The following ZNF282 variants were observed in gnomAD, a reference collection of about 807,000 sequenced individuals.
The protein encoded by ZNF282 is HTLV-I U5 repressive element-binding protein 1.
In ZNF282, 30 loss-of-function variants were observed where a neutral mutation model predicts 61.9. That is an observed-to-expected ratio of 0.48 (90% CI 0.36 to 0.66). The LOEUF (loss-of-function observed/expected upper bound fraction) is 0.66, where lower values mean the gene tolerates loss of function less well. ZNF282 is among the 30% of genes least tolerant of loss of function. The probability of loss-of-function intolerance (pLI) is 0.00; values close to 1 mark genes in which losing one functional copy is unlikely to be tolerated. For missense variants in ZNF282, 788 were observed against 941.4 expected, an observed-to-expected ratio of 0.84 and a Z score of 2.13; for synonymous variants, 396 against 405.0, an observed-to-expected ratio of 0.98 and a Z score of 0.27.
chr7:149,207,739 C>T (rs903893528), intron 4 of ZNF282, among the ~76,000 whole-genome samples: 1 of 152,188 alleles, frequency 6.6e-6, no homozygotes, highest in Non-Finnish European at 1.5e-5. Flanking sequence ...GGTGGAGAGA[C>T]GAGGAAGGGC....
chr7:149,224,680 G>A lies in ZNF282; in HGVS notation c.*33G>A. 1.4e-6 allele frequency: 2 copies of A among 1,465,276 alleles called. No homozygotes were observed. Among genetic ancestry groups the A allele is most frequent in the Non-Finnish European group, 1.8e-6 (2 of 1,112,476 alleles). The allele number at this position is 1,465,276 out of a possible 1,614,324, so 90.8% of individuals were successfully genotyped here. On this transcript the variant is annotated 3_prime_UTR_variant, in exon 8 of 8. Coordinates refer to ENST00000610704, the MANE Select transcript of ZNF282 (RefSeq NM_003575.4). The stretch of plus-strand genomic sequence containing the variant: ...CTGGGGGAGGGCAGGGCCGGACGGA[G>A]TGGATCGGGGGCGGCCTGAGCACCA...
intron 1 of ZNF282, among the ~76,000 whole-genome samples, chr7:149,196,883 C>G (rs1333203753): frequency 6.6e-6 from 1 of 152,178 alleles, no homozygotes; most frequent in Non-Finnish European, 1.5e-5. Flanking sequence ...TGCCCCGGAG[C>G]AGGGCTGCTC....
rs1796083815 is a variant in ZNF282 at position 149,211,458 on chromosome 7, G to T, written c.952+754G>T. Among the ~76,000 whole-genome samples, 3 of 152,080 alleles carry T rather than the reference G, an allele frequency of 2.0e-5. No individual in the cohort carries two copies. The South Asian group carries it at 6.2e-4, about 32-fold the overall frequency. On this transcript the variant is annotated intron_variant, in intron 5 of 7. Transcript: ENST00000610704. ...AGTCTTTTCCCTTAGGCCTTCAGCT[G>T]GTTGATGAGGCCCGCCCACATCATA...
chr7:149,212,058 G>A (rs1435300613), intron 5 of ZNF282, among the ~76,000 whole-genome samples: 1 of 152,110 alleles, frequency 6.6e-6, no homozygotes, highest in African/African-American at 2.4e-5. Context: ...CTCTTTCTGT[G>A]GTGGTCTCAG....
chr7:149,212,874 G>A (rs866200719), intron 6 of ZNF282, among the ~76,000 whole-genome samples: 10 of 152,118 alleles, frequency 6.6e-5, no homozygotes, highest in African/African-American at 1.2e-4. Context: ...GAGCCACCGC[G>A]TCCGGCCATT....
intron 2 of ZNF282, among the ~76,000 whole-genome samples, chr7:149,202,150 C>CTTTTT (rs35380773): frequency 4.7e-5 from 6 of 126,558 alleles, no homozygotes; most frequent in African/African-American, 1.5e-4. Flanking sequence ...AGATATGCTT[C>CTTTTT]TTTTTTTTTT....
At chr7:149,209,017 T>C (rs1447417351) in intron 4 of ZNF282, among the ~76,000 whole-genome samples, 1 of 4,820 alleles carries the variant, frequency 2.1e-4, no homozygotes, top group Non-Finnish European at 9.6e-4. Flanking sequence ...GGAGACTTCA[T>C]CTCAAAAAAA....
chr7:149,204,450 G>A (rs1241903107), intron 2 of ZNF282, among the ~76,000 whole-genome samples: 1 of 152,134 alleles, frequency 6.6e-6, no homozygotes, highest in African/African-American at 2.4e-5. Flanking sequence ...AGGGAGCAGC[G>A]TGTTGAGGGA....
At chr7:149,216,710 G>A (rs1435288639) in intron 7 of ZNF282, among the ~76,000 whole-genome samples, 1 of 152,170 alleles carries the variant, frequency 6.6e-6, no homozygotes, top group Non-Finnish European at 1.5e-5. Context: ...GAGGGGAGAA[G>A]AGTCAGGGTA....
intron 2 of ZNF282, among the ~76,000 whole-genome samples, chr7:149,202,353 C>T (rs1329201802): frequency 6.6e-6 from 1 of 151,270 alleles, no homozygotes; most frequent in Non-Finnish European, 1.5e-5. Flanking sequence ...GCTCTATTGC[C>T]CAAGCTGGAG....
At chr7:149,212,534 TTAA>T in intron 6 of ZNF282, 63 bp downstream of exon 6, 1 of 1,288,312 alleles carries the variant, frequency 7.8e-7, no homozygotes, top group Non-Finnish European at 1.1e-6. Flanking sequence ...AATCATTAAA[TTAA>T]TAATTTATTG....
chr7:149,225,823 T>A lies in ZNF282; in HGVS notation c.*1176T>A, dbSNP rs1268285117. The stretch of plus-strand genomic sequence containing the variant: ...CTGTGCTCCACACCCTGCAGGCGCC[T>A]CGGGAAGCGCCCAAAGGATTCCCCT... On this transcript the variant is annotated 3_prime_UTR_variant, in exon 8 of 8. Coordinates refer to ENST00000610704, the MANE Select transcript of ZNF282 (RefSeq NM_003575.4). The A allele has an allele frequency of 6.5e-6, 1 of 152,690 alleles. No individual in the cohort carries two copies. Among genetic ancestry groups the A allele is most frequent in the Non-Finnish European group, 1.5e-5 (1 of 68,110 alleles). The allele number at this position is 152,690 out of a possible 1,614,324, so 9.5% of individuals were successfully genotyped here.
intron 3 of ZNF282, 74 bp from the exon 4 acceptor site, chr7:149,207,277 G>T: frequency 2.0e-6 from 3 of 1,515,712 alleles, no homozygotes; most frequent in Non-Finnish European, 2.7e-6. Context: ...GGGTAGGGGA[G>T]AGTTCTCCCT....
intron 4 of ZNF282, among the ~76,000 whole-genome samples, chr7:149,207,904 C>T (rs1374688934): frequency 6.6e-6 from 1 of 152,212 alleles, no homozygotes; most frequent in Non-Finnish European, 1.5e-5. Flanking sequence ...CCGACACATG[C>T]GGCTCACCTG....
intron 1 of ZNF282, 77 bp downstream of exon 1, chr7:149,195,831 G>C: frequency 8.2e-7 from 1 of 1,223,682 alleles, no homozygotes; most frequent in Non-Finnish European, 1.0e-6. Flanking sequence ...ACCGGGCCGC[G>C]CCGTCCTCCG....
rs770429822 is a variant in ZNF282, at chr7:149,213,708, C to T, written c.1074C>T (p.Leu358=). The T allele has an allele frequency of 1.2e-6, 2 of 1,612,138 alleles. No individual in the cohort carries two copies. The highest frequency in any genetic ancestry group is 2.7e-5 in the African/African-American group (2 of 74,838). The part of the protein sequence containing the change: ...DIPTDPNSES[L]ISAHDILSWI... ...TTCTTTCCATGACAACAGAGTCTCT[C>T]ATCTCAGCACATGACATTTTGTCAT... Residue 358 remains leucine, a synonymous_variant, in exon 7 of 8, where the codon CTC becomes CTT. Transcript: ENST00000610704.
chr7:149,226,203 C>G lies in ZNF282; in HGVS notation c.*1556C>G, dbSNP rs547957027. On this transcript the variant is annotated 3_prime_UTR_variant, in exon 8 of 8. Coordinates refer to ENST00000610704, the MANE Select transcript of ZNF282 (RefSeq NM_003575.4). ...GCATGTTCACAGAGCTGGGGGTTCT[C>G]CAGCTTGCCTACAGTAAAGCCTCAA... 1 of 152,758 alleles carries G rather than the reference C, an allele frequency of 6.5e-6. No individual in the cohort carries two copies. The highest frequency in any genetic ancestry group is 1.5e-5 in the Non-Finnish European group (1 of 68,044). The allele number at this position is 152,758 out of a possible 1,614,324, so 9.5% of individuals were successfully genotyped here. A position where few individuals can be genotyped will look rare whatever the true frequency, so the allele number is the denominator to read the frequency against.
chr7:149,205,563 A>T (rs1447900190), intron 2 of ZNF282, among the ~76,000 whole-genome samples: 1 of 128,620 alleles, frequency 7.8e-6, no homozygotes, highest in Non-Finnish European at 1.7e-5. Flanking sequence ...GATTGTAAAG[A>T]TGGACAGTGA....
chr7:149,216,314 T>C (rs1436017902), intron 7 of ZNF282, among the ~76,000 whole-genome samples: 3 of 152,176 alleles, frequency 2.0e-5, no homozygotes, highest in Admixed American at 1.3e-4. Context: ...TTACCCACGC[T>C]GGTCTGAACT....
Sources: allele counts gnomAD v4.1 joint callset (sites outside exome capture counted in the v4.1 genomes callset), GRCh38; gene constraint gnomAD v4.1.1; transcripts MANE v1.5; gene names NCBI Gene and HGNC (gene_info 2026-07-23, HGNC 2026-07-21).